Variants in LY75 observed in about 807,000 individuals in gnomAD.
LY75 encodes lymphocyte antigen 75.
Under a neutral mutation model 231.7 loss-of-function variants are expected in LY75, and 185 were observed. The ratio of observed to expected loss-of-function variants is 0.80; its 90% CI spans 0.71 to 0.90. The LOEUF (loss-of-function observed/expected upper bound fraction) is 0.90. Among genes scored for constraint, LY75 ranks in the 40% least tolerant of loss-of-function variants. The pLI is 0.00. For missense variants in LY75, 1,947 were observed against 2,050.2 expected (o/e 0.95, Z 0.97); for synonymous variants, 668 against 689.0 (o/e 0.97, Z 0.48).
chr2:159,881,315 T>C (rs1188417191), intron 7 of LY75, 75 bp from the exon 8 acceptor site: 7 of 1,466,640 alleles, frequency 4.8e-6, no homozygotes, highest in Non-Finnish European at 6.3e-6. Flanking sequence ...ATACAAATTT[T>C]TATATTCTGA....
At position 159,886,432 on chromosome 2, in the gene LY75, T is replaced by C; in HGVS notation, c.901A>G (p.Asn301Asp). 6.2e-7 allele frequency: 1 copy of C among 1,605,862 alleles called. No individual in the cohort carries two copies. The highest frequency in any genetic ancestry group is 2.2e-5 in the East Asian group (1 of 44,726). ...AAAGAGCAGTTACCTGGATCCCAGT[T>C]GAGAAAGTTTAATGGTTTGTGGTCT... is the stretch of plus-strand genomic sequence containing the variant. Reference protein sequence around the residue: ...WSDHKPLNFLNWDPDRPSAPT... With the variant: ...WSDHKPLNFLDWDPDRPSAPT... The change falls in exon 5 of 35, where the codon AAC becomes GAC. Residue 301 changes from asparagine to aspartate, a missense_variant. Transcript: ENST00000263636.
rs1347038678 is a variant in LY75 at position 159,858,457 on chromosome 2, CGCCATG to C, written c.2282_2287del (p.Pro761_Trp762del). 1.2e-6 allele frequency: 2 copies of C among 1,612,446 alleles called. No homozygotes were observed. The highest frequency in any genetic ancestry group is 1.7e-6 in the Non-Finnish European group (2 of 1,179,470). On this transcript the variant is annotated inframe_deletion, in exon 16 of 35. Transcript: ENST00000263636. Reference sequence around the variant, plus strand: ...ATCATCATAGAAATGCCAGCCTCTTCGCCATGGCCTATGAAATACCTATAAGAGGAA... The same window carrying C: ...ATCATCATAGAAATGCCAGCCTCTTCGCCTATGAAATACCTATAAGAGGAA...
chr2:159,873,737 TA>T (rs1052524071), intron 12 of LY75, among the ~76,000 whole-genome samples: 1 of 130,900 alleles, frequency 7.6e-6, no homozygotes, highest in Non-Finnish European at 1.6e-5. Context: ...TACACATAAA[TA>T]TATACATTTT....
At position 159,816,869 on chromosome 2, in the gene LY75, G is replaced by A; in HGVS notation, c.4317C>T (p.Leu1439=). 2 of 1,614,162 alleles carry A rather than the reference G, an allele frequency of 1.2e-6. No homozygotes were observed. The highest frequency in any genetic ancestry group is 1.7e-6 in the Non-Finnish European group (2 of 1,180,028). Residue 1439 remains leucine, a synonymous_variant, in exon 30 of 35, where the codon CTC becomes CTT. Transcript: ENST00000263636. ...CACGTTTTACAATATCTTCCAGAAA[G>A]AGCTGGCCATTTTGGTTGTGAACGC... ...LASVHNQNGQ[L]FLEDIVKRDG... is the part of the protein sequence containing the mutation.
chr2:159,884,613 A>C (rs1172505684), intron 6 of LY75, among the ~76,000 whole-genome samples: 1 of 152,164 alleles, frequency 6.6e-6, no homozygotes, highest in African/African-American at 2.4e-5. Context: ...CAAGGTAGAG[A>C]AGCCTGGGCT....
Position 159,850,109 on chromosome 2 carries a change from T to C in LY75, c.3021A>G (p.Glu1007=). 1 of 1,612,116 alleles carries C rather than the reference T, an allele frequency of 6.2e-7. No homozygotes were observed. The highest frequency in any genetic ancestry group is 8.5e-7 in the Non-Finnish European group (1 of 1,179,484). Residue 1007 remains glutamate, a synonymous_variant, in exon 23 of 35, where the codon GAA becomes GAG. Transcript: ENST00000263636. ...AGCGCAAACCAATCCATAAAGTAGC[T>C]TCCATATCCGGAAGCAAGGATGTAA... is the stretch of plus-strand genomic sequence containing the variant. ...DFITSLLPDM[E]ATLWIGLRWT...
At chr2:159,808,352 A>T in intron 33 of LY75, 97 bp downstream of exon 33, 1 of 1,595,308 alleles carries the variant, frequency 6.3e-7, no homozygotes. Flanking sequence ...AGGCATCTGA[A>T]TTAGCCACTA....
intron 1 of LY75, among the ~76,000 whole-genome samples, chr2:159,899,281 A>T (rs193014011): frequency 6.6e-6 from 1 of 152,320 alleles, no homozygotes. Context: ...GCCTGGGTCC[A>T]TATTTTGCTC....
chr2:159,892,477 C>T (rs1685788608), intron 3 of LY75, among the ~76,000 whole-genome samples: 1 of 152,140 alleles, frequency 6.6e-6, no homozygotes, highest in Non-Finnish European at 1.5e-5. Flanking sequence ...AAGTATGGTA[C>T]CTTTCAGGGT....
chr2:159,903,603 T>C (rs964734644), intron 1 of LY75: 1 of 152,152 alleles, frequency 6.6e-6, no homozygotes, highest in African/African-American at 2.4e-5. Flanking sequence ...TAACTTAGCT[T>C]AGCTGCAAAG....
chr2:159,843,273 T>C (rs749012673), intron 23 of LY75, among the ~76,000 whole-genome samples: 15 of 152,100 alleles, frequency 9.9e-5, no homozygotes, highest in Non-Finnish European at 2.1e-4. Context: ...CATGCATCTG[T>C]TTTTGTAAAA....
intron 13 of LY75, among the ~76,000 whole-genome samples, chr2:159,869,738 C>G (rs971810221): frequency 6.6e-6 from 1 of 152,134 alleles, no homozygotes; most frequent in Non-Finnish European, 1.5e-5. Flanking sequence ...AGTTAAAACA[C>G]CAAAAAGGAC....
chr2:159,844,223 A>C (rs1419249981), intron 23 of LY75, among the ~76,000 whole-genome samples: 1 of 152,100 alleles, frequency 6.6e-6, no homozygotes, highest in African/African-American at 2.4e-5. Flanking sequence ...AGAATAGTAA[A>C]ATATTAATCC....
intron 28 of LY75, among the ~76,000 whole-genome samples, chr2:159,829,149 T>C (rs1188199627): frequency 6.6e-6 from 1 of 152,214 alleles, no homozygotes; most frequent in Non-Finnish European, 1.5e-5. Flanking sequence ...CACCCAATGT[T>C]GTCCTGGTTA....
intron 23 of LY75, among the ~76,000 whole-genome samples, chr2:159,843,975 A>C (rs1684121190): frequency 6.6e-6 from 1 of 152,176 alleles, no homozygotes; most frequent in Non-Finnish European, 1.5e-5. Flanking sequence ...TTTTTTAAAA[A>C]GCAAAAATGC....
chr2:159,805,229 C>A lies in LY75; in HGVS notation c.4991-7G>T. 6.2e-7 allele frequency: 1 copy of A among 1,611,642 alleles called. No homozygotes were observed. The highest frequency in any genetic ancestry group is 1.7e-5 in the Admixed American group (1 of 59,824). The stretch of plus-strand genomic sequence containing the variant: ...ATTGCTGTGTAATCAGGGCCTGGAA[C>A]AGGAAAAGGTTTGATGTTGGAGGAG... On this transcript the variant is annotated splice_polypyrimidine_tract_variant and splice_region_variant and intron_variant, in intron 34 of 34. Coordinates refer to ENST00000263636, the MANE Select transcript of LY75 (RefSeq NM_002349.4).
chr2:159,888,978 C>T (rs1372127147), intron 4 of LY75, among the ~76,000 whole-genome samples: 1 of 152,122 alleles, frequency 6.6e-6, no homozygotes, highest in Admixed American at 6.5e-5. Flanking sequence ...GTCTGTCTGG[C>T]ACATCATCAT....
chr2:159,810,710 TG>T, intron 31 of LY75, 35 bp from the exon 32 acceptor site: 1 of 1,593,778 alleles, frequency 6.3e-7, no homozygotes, highest in South Asian at 1.1e-5. Flanking sequence ...TAACAATGCA[TG>T]GAAAAAAAAG....
rs1291647158 is a variant in LY75, at chr2:159,815,135, G to C, written c.4549+270C>G. Among the ~76,000 whole-genome samples the C allele has an allele frequency of 3.3e-5, 5 of 151,862 alleles. No individual in the cohort carries two copies. In the East Asian group the frequency reaches 9.6e-4, roughly 29 times the overall value. On this transcript the variant is annotated intron_variant, in intron 31 of 34. Coordinates refer to ENST00000263636, the MANE Select transcript of LY75 (RefSeq NM_002349.4). ...CCCGCCTCAGCCTCCTGACTAGCTG[G>C]GACTACAGGCGCCCGCCACCATGCC...
Sources: allele counts gnomAD v4.1 joint callset (sites outside exome capture counted in the v4.1 genomes callset), GRCh38; gene constraint gnomAD v4.1.1; transcripts MANE v1.5; gene names NCBI Gene and HGNC (gene_info 2026-07-23, HGNC 2026-07-21).